The following CCDC110 variants were observed in gnomAD, a reference collection of about 807,000 sequenced individuals.
The protein encoded by CCDC110 is coiled-coil domain-containing protein 110.
CCDC110 carries 70 observed loss-of-function variants against 77.1 expected under a neutral mutation model. The observed-to-expected ratio is 0.91, with a 90% CI of 0.75 to 1.11. The LOEUF is 1.11. CCDC110 is among the 50% of genes least tolerant of loss of function. The pLI, the probability that CCDC110 is intolerant of heterozygous loss-of-function variation, is 0.00. For missense variants in CCDC110, 868 were observed against 942.9 expected (o/e 0.92, Z 1.04); for synonymous variants, 295 against 312.5 (o/e 0.94, Z 0.59).
At position 185,458,801 on chromosome 4, in the gene CCDC110, G is replaced by T. The variant is rs34739951; in HGVS notation, c.1786C>A (p.Leu596Ile). 1.7e-3 allele frequency: 2,757 copies of T among 1,609,512 alleles called. 4 individuals carry two copies. Among genetic ancestry groups the T allele is most frequent in the Non-Finnish European group, 1.9e-3 (2,265 of 1,178,978 alleles). The change falls in exon 6 of 7, where the codon CTA becomes ATA. Residue 596 changes from leucine to isoleucine, a missense_variant. Coordinates refer to ENST00000307588, the MANE Select transcript of CCDC110 (RefSeq NM_152775.4). ...TTTCCAAGTGAGCTTTTTTCTTTTAGAAGCTGGTGTGTTTTTTTCTCTAAC... is the reference window on the plus strand; with the variant it reads ...TTTCCAAGTGAGCTTTTTTCTTTTATAAGCTGGTGTGTTTTTTTCTCTAAC... ...EMLEKKTHQLLKEKSSLGNEL... is the reference protein window; with the variant it reads ...EMLEKKTHQLIKEKSSLGNEL...
chr4:185,445,980 T>G (rs1240960146), intron 6 of CCDC110, among the ~76,000 whole-genome samples: 1 of 152,170 alleles, frequency 6.6e-6, no homozygotes, highest in Admixed American at 6.5e-5. Context: ...TAGCTGGGAT[T>G]ACAGGCATGC....
chr4:185,449,348 C>G (rs1187493876), intron 6 of CCDC110, among the ~76,000 whole-genome samples: 3 of 152,090 alleles, frequency 2.0e-5, no homozygotes, highest in Non-Finnish European at 2.9e-5. Context: ...TGGCAAAACT[C>G]TGTCTCTACA....
chr4:185,458,511 A>G lies in CCDC110; in HGVS notation c.2076T>C (p.Asn692=), dbSNP rs774603233. 1.2e-6 allele frequency: 2 copies of G among 1,607,642 alleles called. No individual in the cohort carries two copies. Among genetic ancestry groups the G allele is most frequent in the Middle Eastern group, 1.7e-4 (1 of 6,040 alleles). The change falls in exon 6 of 7, where the codon AAT becomes AAC. Residue 692 remains asparagine (N), a synonymous_variant. Transcript: ENST00000307588. ...NAKSEASIYK[N]SLSEIGKECE... ...ATTCCTTGCCAATTTCTGACAAGCTATTCTTATAAATACTTGCTTCTGATT... is the reference window on the plus strand; with the variant it reads ...ATTCCTTGCCAATTTCTGACAAGCTGTTCTTATAAATACTTGCTTCTGATT...
intron 6 of CCDC110, among the ~76,000 whole-genome samples, chr4:185,450,282 T>G (rs2095626892): frequency 6.6e-6 from 1 of 152,130 alleles, no homozygotes; most frequent in South Asian, 2.1e-4. Context: ...TAGTTGAGTA[T>G]CTTATAAAAA....
chr4:185,460,309 T>G, intron 5 of CCDC110, 71 bp from the exon 6 acceptor site: 1 of 1,160,116 alleles, frequency 8.6e-7, no homozygotes, highest in Non-Finnish European at 1.2e-6. Flanking sequence ...AGATAATATT[T>G]TGTGGAGGGT....
intron 5 of CCDC110, among the ~76,000 whole-genome samples, chr4:185,460,515 G>A (rs1286073322): frequency 4.6e-5 from 7 of 152,186 alleles, no homozygotes; most frequent in South Asian, 2.1e-4. Flanking sequence ...GAAATTTAGC[G>A]TCCTTCAAGA....
intron 4 of CCDC110, among the ~76,000 whole-genome samples, chr4:185,461,819 C>T (rs1380926424): frequency 6.6e-6 from 1 of 152,120 alleles, no homozygotes; most frequent in Non-Finnish European, 1.5e-5. Flanking sequence ...AAAGTGTAGC[C>T]GGGTGCGGTG....
chr4:185,458,648 T>A lies in CCDC110; in HGVS notation c.1939A>T (p.Thr647Ser). The A allele has an allele frequency of 6.2e-7, 1 of 1,607,828 alleles. No homozygotes were observed. The highest frequency in any genetic ancestry group is 2.2e-5 in the East Asian group (1 of 44,734). ...VKDEKLNLET[T>S]LQESTAARQI... ...CTGGCAGCAGTAGATTCTTGTAATG[T>A]TGTTTCAAGGTTGAGTTTTTCATCT... Residue 647 changes from threonine (T) to serine (S), a missense_variant, in exon 6 of 7, where the codon ACA becomes TCA. Coordinates refer to ENST00000307588, the MANE Select transcript of CCDC110 (RefSeq NM_152775.4).
At chr4:185,451,985 A>T (rs144234189) in intron 6 of CCDC110, among the ~76,000 whole-genome samples, 3 of 152,342 alleles carry the variant, frequency 2.0e-5, no homozygotes, top group African/African-American at 7.2e-5. Context: ...AAAACCAAAT[A>T]TGGAAACCAG....
intron 6 of CCDC110, among the ~76,000 whole-genome samples, chr4:185,448,437 G>T (rs937258899): frequency 1.1e-4 from 16 of 152,240 alleles, no homozygotes; most frequent in African/African-American, 3.9e-4. Context: ...TCTACTCTTT[G>T]TAGCACTTTG....
chr4:185,445,755 A>C (rs984851103), intron 6 of CCDC110, among the ~76,000 whole-genome samples: 2 of 152,236 alleles, frequency 1.3e-5, no homozygotes, highest in African/African-American at 4.8e-5. Context: ...ACAGTAGTAC[A>C]TCTTTAACAC....
intron 6 of CCDC110, among the ~76,000 whole-genome samples, chr4:185,447,689 T>C (rs1192053437): frequency 6.6e-6 from 1 of 152,184 alleles, no homozygotes; most frequent in Non-Finnish European, 1.5e-5. Context: ...CCAGTGTCTT[T>C]CCTATGAATT....
chr4:185,470,728 G>T, intron 2 of CCDC110: 1 of 636,918 alleles, frequency 1.6e-6, no homozygotes, highest in Non-Finnish European at 2.9e-6. Context: ...TGCAAAATGG[G>T]GATCGTGGTA....
intron 6 of CCDC110, among the ~76,000 whole-genome samples, chr4:185,448,351 G>A (rs536702284): frequency 1.3e-5 from 2 of 152,168 alleles, no homozygotes; most frequent in Admixed American, 6.5e-5. Flanking sequence ...CATTTTGAAT[G>A]GTAGCTTAAC....
At chr4:185,470,788 G>T in intron 2 of CCDC110, 157 bp downstream of exon 2, 1 of 728,522 alleles carries the variant, frequency 1.4e-6, no homozygotes, top group Non-Finnish European at 2.5e-6. Flanking sequence ...GATCCATTAC[G>T]TGCTTAGAAC....
rs903319476 is a variant in CCDC110, at chr4:185,452,123, T to C, written c.2461+6003A>G. 1.0e-5 allele frequency: 9 copies of C among 871,620 alleles called. No homozygotes were observed. The African/African-American group carries it at 1.3e-4, about 12-fold the overall frequency. The allele number at this position is 871,620 out of a possible 1,614,324, so 54.0% of individuals were successfully genotyped here. ...ATGCCCATGGATTGTTTTCTTACAA[T>C]TGTTGTCTCTTCTTTTAACTTTGAA... On this transcript the variant is annotated intron_variant, in intron 6 of 6. Transcript: ENST00000307588.
Position 185,471,340 on chromosome 4 carries a change from A to G in CCDC110, c.11-291T>C, listed in dbSNP as rs189880327. ...GGGGCAGAGGAATGGGGCGGGGTCA[A>G]GGCTGAAGGCTGGGGCGGGGCGGAG... On this transcript the variant is annotated intron_variant, in intron 1 of 6. Transcript: ENST00000307588. 2.5e-3 allele frequency among the ~76,000 whole-genome samples: 201 copies of G among 78,980 alleles called. 1 individual carries two copies. Among genetic ancestry groups the G allele is most frequent in the Non-Finnish European group, 3.4e-3 (139 of 40,426 alleles). The allele number at this position is 78,980 out of a possible 152,430, so 51.8% of individuals were successfully genotyped here. A position where few individuals can be genotyped will look rare whatever the true frequency, so the allele number is the denominator to read the frequency against.
intron 6 of CCDC110, among the ~76,000 whole-genome samples, chr4:185,453,769 C>T (rs769576832): frequency 2.0e-5 from 3 of 151,616 alleles, no homozygotes; most frequent in South Asian, 2.1e-4. Flanking sequence ...TCATCTCCAA[C>T]TCCTAGGCTC....
At chr4:185,453,916 C>T (rs1276811787) in intron 6 of CCDC110, among the ~76,000 whole-genome samples, 1 of 151,376 alleles carries the variant, frequency 6.6e-6, no homozygotes, top group African/African-American at 2.4e-5. Flanking sequence ...TGGGTTCACG[C>T]GATTATCCTG....
Sources: allele counts gnomAD v4.1 joint callset (sites outside exome capture counted in the v4.1 genomes callset), GRCh38; gene constraint gnomAD v4.1.1; transcripts MANE v1.5; gene names NCBI Gene and HGNC (gene_info 2026-07-23, HGNC 2026-07-21).